CLEC16A: variants seen among roughly 807,000 people sequenced by gnomAD.
CLEC16A encodes the protein C-type lectin domain containing 16A.
A neutral mutation model predicts 109.5 loss-of-function variants in CLEC16A; 51 were observed. The ratio of observed to expected loss-of-function variants is 0.47; its 90% CI spans 0.37 to 0.59. The LOEUF (loss-of-function observed/expected upper bound fraction) is 0.59, where lower values mean the gene tolerates loss of function less well. Among genes scored for constraint, CLEC16A ranks in the 20% least tolerant of loss-of-function variants. The probability of loss-of-function intolerance (pLI) is 0.00; values close to 1 mark genes in which losing one functional copy is unlikely to be tolerated. For missense variants in CLEC16A, 1,339 were observed against 1,394.0 expected, an observed-to-expected ratio of 0.96 and a Z score of 0.63; for synonymous variants, 673 against 564.2, an observed-to-expected ratio of 1.19 and a Z score of -2.73.
chr16:11,003,136 G>A lies in CLEC16A; in HGVS notation c.1134G>A (p.Met378Ile), dbSNP rs1381075901. ...AGACACTCGAGCGGTCCCTTGAGATGAACAAGCACAAGGGCAAGAGGCGGG... is the reference window on the plus strand; with the variant it reads ...AGACACTCGAGCGGTCCCTTGAGATAAACAAGCACAAGGGCAAGAGGCGGG... ...PTETLERSLE[M>I]NKHKGKRRVQ... Residue 378 changes from methionine (M) to isoleucine (I), a missense_variant, in exon 11 of 24, where the codon ATG (methionine) becomes ATA (isoleucine). Coordinates refer to ENST00000409790, the MANE Select transcript of CLEC16A (RefSeq NM_015226.3). The A allele has an allele frequency of 4.3e-6, 7 of 1,613,560 alleles. No individual in the cohort carries two copies. Among genetic ancestry groups the A allele is most frequent in the Non-Finnish European group, 5.9e-6 (7 of 1,179,820 alleles).
chr16:11,021,472 T>A (rs1387160444), intron 12 of CLEC16A, among the ~76,000 whole-genome samples: 1 of 152,188 alleles, frequency 6.6e-6, no homozygotes, highest in Non-Finnish European at 1.5e-5. Flanking sequence ...AGTAGTGGGA[T>A]GTTGCTTAAG....
chr16:10,959,445 G>A (rs1410691786), intron 2 of CLEC16A, among the ~76,000 whole-genome samples: 1 of 152,190 alleles, frequency 6.6e-6, no homozygotes, highest in Non-Finnish European at 1.5e-5. Flanking sequence ...AGGCTGGAGT[G>A]CATTGGCGGG....
chr16:10,969,356 GCTT>G, intron 4 of CLEC16A, 47 bp downstream of exon 4: 1 of 1,325,194 alleles, frequency 7.5e-7, no homozygotes, highest in Non-Finnish European at 1.0e-6. Flanking sequence ...GCCACACGTG[GCTT>G]TTTTTTTTTT....
intron 19 of CLEC16A, among the ~76,000 whole-genome samples, chr16:11,104,844 C>T (rs1393945592): frequency 6.6e-6 from 1 of 152,178 alleles, no homozygotes; most frequent in Non-Finnish European, 1.5e-5. Context: ...TAGCCCTAGG[C>T]ACAAATGGGG....
chr16:11,149,265 C>T (rs751947131), intron 22 of CLEC16A, among the ~76,000 whole-genome samples: 14 of 152,062 alleles, frequency 9.2e-5, no homozygotes, highest in Admixed American at 2.6e-4. Flanking sequence ...TGGATGGAAC[C>T]GGTCAGCTGT....
At chr16:11,053,536 A>G (rs528519627) in intron 18 of CLEC16A, among the ~76,000 whole-genome samples, 15 of 151,872 alleles carry the variant, frequency 9.9e-5, no homozygotes, top group African/African-American at 3.6e-4. Flanking sequence ...ACACTCGGCT[A>G]ATTTTTGTAT....
intron 22 of CLEC16A, among the ~76,000 whole-genome samples, chr16:11,159,736 C>G (rs769865334): frequency 1.4e-4 from 17 of 120,834 alleles, no homozygotes; most frequent in Non-Finnish European, 2.7e-4. Context: ...TCCCTGTGGT[C>G]TTAGCTCCTA....
In CLEC16A at chr16:10,981,206, A is replaced by G. The variant is rs138203451; in HGVS notation, c.958-1672A>G. On this transcript the variant is annotated intron_variant, in intron 9 of 23. Coordinates refer to ENST00000409790, the MANE Select transcript of CLEC16A (RefSeq NM_015226.3). ...GTGGACTGAAAAGAAGGAATAAATGATCAGTTAAGGCCGCATTCATTCAAG... is the reference window on the plus strand; with the variant it reads ...GTGGACTGAAAAGAAGGAATAAATGGTCAGTTAAGGCCGCATTCATTCAAG... Among the ~76,000 whole-genome samples the G allele has an allele frequency of 2.0e-3, 301 of 152,320 alleles. 2 individuals are homozygous for G. Among genetic ancestry groups the G allele is most frequent in the African/African-American group, 7.0e-3 (290 of 41,556 alleles).
intron 10 of CLEC16A, among the ~76,000 whole-genome samples, chr16:10,997,076 C>G (rs1253174003): frequency 6.6e-6 from 1 of 152,218 alleles, no homozygotes; most frequent in Non-Finnish European, 1.5e-5. Flanking sequence ...ATCTTCCTGC[C>G]TCAGCCTCCC....
chr16:11,077,979 G>A (rs1266970997), intron 19 of CLEC16A, among the ~76,000 whole-genome samples: 1 of 139,898 alleles, frequency 7.1e-6, no homozygotes, highest in African/African-American at 2.7e-5. Flanking sequence ...GTGTGTGTGT[G>A]TGTGTGTGTG....
chr16:11,094,343 A>C (rs1349489974), intron 19 of CLEC16A, among the ~76,000 whole-genome samples: 1 of 152,226 alleles, frequency 6.6e-6, no homozygotes, highest in Non-Finnish European at 1.5e-5. Context: ...GAGCCTGATA[A>C]GTTTCCAGCC....
chr16:11,036,544 C>CTTTTTTTTTT (rs71404440), intron 13 of CLEC16A, among the ~76,000 whole-genome samples: 9 of 131,900 alleles, frequency 6.8e-5, no homozygotes, highest in African/African-American at 2.6e-4. Flanking sequence ...TCTAATTTTC[C>CTTTTTTTTTT]TTTTTTTTTT....
At chr16:10,988,759 G>A (rs895423139) in intron 10 of CLEC16A, among the ~76,000 whole-genome samples, 16 of 152,186 alleles carry the variant, frequency 1.1e-4, no homozygotes, top group African/African-American at 2.9e-4. Context: ...AGGTGTTCCC[G>A]GGCCTCAGTT....
In CLEC16A at chr16:10,983,838, T is replaced by G. The variant is rs76508341; in HGVS notation, c.1071+847T>G. ...ACAGCCTGGTTCCTGATGCACCTGG[T>G]TCCCTCTTTTCAAAGGTCTTACCCA... On this transcript the variant is annotated intron_variant, in intron 10 of 23. Transcript: ENST00000409790. Among the ~76,000 whole-genome samples the G allele has an allele frequency of 1.2e-4, 18 of 152,060 alleles. No individual in the cohort carries two copies. In the East Asian group the frequency reaches 3.5e-3, roughly 30 times the overall value.
chr16:11,042,368 C>T lies in CLEC16A; in HGVS notation c.1770+5C>T, dbSNP rs755037823. The T allele has an allele frequency of 5.1e-6, 8 of 1,561,040 alleles. No homozygotes were observed. The highest frequency in any genetic ancestry group is 2.7e-5 in the African/African-American group (2 of 73,694). ...GTGCACCTGGCCTGCCTGGAGGTAA[C>T]GCCCTCTCCGCTCCTCCTTCCTGTG... On this transcript the variant is annotated splice_donor_5th_base_variant and intron_variant, in intron 15 of 23. Transcript: ENST00000409790.
At chr16:11,072,129 T>C (rs1237123492) in intron 19 of CLEC16A, among the ~76,000 whole-genome samples, 1 of 152,122 alleles carries the variant, frequency 6.6e-6, no homozygotes, top group East Asian at 1.9e-4. Flanking sequence ...GTTACACTGT[T>C]GTTTCTTTTT....
At chr16:11,037,817 C>T (rs2047109508) in intron 13 of CLEC16A, among the ~76,000 whole-genome samples, 1 of 132,096 alleles carries the variant, frequency 7.6e-6, no homozygotes, top group African/African-American at 2.8e-5. Flanking sequence ...CACTGACTGG[C>T]AGTTCTCAAA....
At chr16:11,078,663 C>G (rs1179735134) in intron 19 of CLEC16A, among the ~76,000 whole-genome samples, 1 of 152,188 alleles carries the variant, frequency 6.6e-6, no homozygotes, top group East Asian at 1.9e-4. Context: ...CTGCAGTAGA[C>G]CCCGTCGTTG....
At chr16:10,994,935 A>C (rs1393872645) in intron 10 of CLEC16A, among the ~76,000 whole-genome samples, 4 of 152,234 alleles carry the variant, frequency 2.6e-5, no homozygotes, top group African/African-American at 9.6e-5. Flanking sequence ...TGTTTGAGCC[A>C]TGTGGCAGGA....
Sources: allele counts gnomAD v4.1 joint callset (sites outside exome capture counted in the v4.1 genomes callset), GRCh38; gene constraint gnomAD v4.1.1; transcripts MANE v1.5; gene names NCBI Gene and HGNC (gene_info 2026-07-23, HGNC 2026-07-21).